Variants in DNAH1 observed in about 807,000 individuals in gnomAD.
The protein encoded by DNAH1 is dynein axonemal heavy chain 1, also known as axonemal beta dynein heavy chain 1.
Under a neutral mutation model 484.3 loss-of-function variants are expected in DNAH1, and 327 were observed. That is an observed-to-expected ratio of 0.68 (90% CI 0.62 to 0.74). The LOEUF is 0.74. DNAH1 is among the 30% of genes least tolerant of loss of function. The probability of loss-of-function intolerance (pLI) is 0.00; values close to 1 mark genes in which losing one functional copy is unlikely to be tolerated. For synonymous variants in DNAH1, 2,192 were observed against 2,191.9 expected (o/e 1.00, Z 0.00); for missense variants, 5,052 against 5,546.8 (o/e 0.91, Z 2.83).
At chr3:52,377,588 G>C (rs780065587) in intron 46 of DNAH1, among the ~76,000 whole-genome samples, 1 of 151,944 alleles carries the variant, frequency 6.6e-6, no homozygotes, top group Admixed American at 6.6e-5. Context: ...TCCTCAGTTC[G>C]CCCTGCCTCA....
At chr3:52,348,025 G>A in intron 12 of DNAH1, 51 bp downstream of exon 12, 1 of 1,552,774 alleles carries the variant, frequency 6.4e-7, no homozygotes, top group Non-Finnish European at 8.7e-7. Context: ...CCTGGCTGCT[G>A]ATGGCTCCCT....
intron 70 of DNAH1, among the ~76,000 whole-genome samples, chr3:52,396,106 T>G (rs1704612289): frequency 6.6e-6 from 1 of 152,122 alleles, no homozygotes; most frequent in Non-Finnish European, 1.5e-5. Flanking sequence ...GCTAATTTTT[T>G]GTATTTTTAG....
At chr3:52,313,039 G>A (rs1429592785), upstream of DNAH1, among the ~76,000 whole-genome samples, 5 of 151,902 alleles carry the variant, frequency 3.3e-5, no homozygotes, top group Non-Finnish European at 5.9e-5. Context: ...CGCCCACCTC[G>A]GCCTCCCAAA....
chr3:52,339,010 G>C (rs1701833314), intron 8 of DNAH1, among the ~76,000 whole-genome samples: 1 of 151,796 alleles, frequency 6.6e-6, no homozygotes, highest in South Asian at 2.1e-4. Flanking sequence ...CTCCAGCCTG[G>C]GTGACAGAGC....
Position 52,364,691 on chromosome 3 carries a change from G to A in DNAH1, c.5298G>A (p.Gly1766=), listed in dbSNP as rs149285738. 347 of 1,613,926 alleles carry A rather than the reference G, an allele frequency of 2.2e-4. 1 individual carries two copies. In the Middle Eastern group the frequency reaches 3.6e-3, roughly 17 times the overall value. ...RAVKTVISAA[G]NLKRENPSMN... ...TGAAAACTGTGATCTCGGCTGCTGG[G>A]AACCTCAAGCGAGAAAACCCCAGCA... Residue 1766 remains glycine (G), a synonymous_variant, in exon 33 of 78, where the codon GGG becomes GGA. Transcript: ENST00000420323. This position sits in a 1 kb window ranked among gnomAD's most constrained non-coding sequence, Gnocchi z 4.2.
intron 12 of DNAH1, among the ~76,000 whole-genome samples, chr3:52,348,611 T>C (rs1220309978): frequency 1.3e-5 from 2 of 152,226 alleles, no homozygotes; most frequent in Non-Finnish European, 2.9e-5. Flanking sequence ...GGTCCTGGGC[T>C]GAGTCAGGCC....
intron 1 of DNAH1, among the ~76,000 whole-genome samples, chr3:52,320,479 T>C (rs1421368207): frequency 6.6e-6 from 1 of 152,198 alleles, no homozygotes; most frequent in Admixed American, 6.5e-5. Context: ...CCCTGACAAC[T>C]CACCACTCAC....
chr3:52,383,923 C>T lies in DNAH1; in HGVS notation c.8214C>T (p.Thr2738=), dbSNP rs755328987. 1.2e-6 allele frequency: 2 copies of T among 1,613,498 alleles called. No individual in the cohort carries two copies. Among genetic ancestry groups the T allele is most frequent in the Non-Finnish European group, 8.5e-7 (1 of 1,179,646 alleles). The change falls in exon 52 of 78, where the codon ACC becomes ACT. Residue 2738 remains threonine (T), a synonymous_variant. Coordinates refer to ENST00000420323, the MANE Select transcript of DNAH1 (RefSeq NM_015512.5). ...TTCCCTCCCTGGTCAACTGCTGTAC[C>T]ATCGACTGGTTTAACGAGTGGCCGG... The part of the protein sequence containing the change: ...RQFPSLVNCC[T]IDWFNEWPAE...
Position 52,362,598 on chromosome 3 carries a change from C to T in DNAH1, c.5094+97C>T. On this transcript the variant is annotated intron_variant, in intron 31 of 77. Transcript: ENST00000420323. The surrounding 1 kb of genome is among the most constrained non-coding windows in gnomAD (Gnocchi z 5.1). The stretch of plus-strand genomic sequence containing the variant: ...ATGCAAGGACACAGTTGCTTGGACT[C>T]CAGGGACTGTGATTCCCTATGGTAG... The T allele has an allele frequency of 9.0e-7, 1 of 1,110,426 alleles. No homozygotes were observed. The highest frequency in any genetic ancestry group is 1.3e-6 in the Non-Finnish European group (1 of 763,404). 68.8% of individuals were successfully genotyped at this position (1,110,426 alleles called of 1,614,324 possible).
chr3:52,327,325 A>C (rs950452304), intron 5 of DNAH1, among the ~76,000 whole-genome samples: 7 of 152,138 alleles, frequency 4.6e-5, no homozygotes, highest in African/African-American at 1.7e-4. Context: ...GAATCCAGGG[A>C]GGAGAAAGAG....
upstream of DNAH1, among the ~76,000 whole-genome samples, chr3:52,313,445 G>A (rs1258232933): frequency 3.9e-5 from 6 of 152,166 alleles, no homozygotes; most frequent in Admixed American, 2.6e-4. Flanking sequence ...TTTTCCTTGT[G>A]GCTCCCTATA....
chr3:52,352,072 A>G lies in DNAH1; in HGVS notation c.2840A>G (p.Asn947Ser), dbSNP rs772325913. 11 of 1,584,682 alleles carry G rather than the reference A, an allele frequency of 6.9e-6. No individual in the cohort carries two copies. The South Asian group carries it at 1.3e-4, about 18-fold the overall frequency. The change falls in exon 17 of 78, where the codon AAC becomes AGC. Residue 947 changes from asparagine (N) to serine (S), a missense_variant. Physicochemically the swap from Asn to Ser is conservative, Grantham distance 46 (BLOSUM62 1). Around this residue, in one of 4 missense-constraint regions of DNAH1, gnomAD observed 1,263 missense variants for 1,218.8 expected, o/e 1.04. Coordinates refer to ENST00000420323, the MANE Select transcript of DNAH1 (RefSeq NM_015512.5). ...CGCAAAATCCAGATCATGGATCAGA[A>G]CAACTTCCAAGAGAAGCTGGAAGGG... ...KFRKIQIMDQ[N>S]NFQEKLEGLQ...
chr3:52,325,582 A>C (rs546884199), intron 3 of DNAH1, among the ~76,000 whole-genome samples: 1 of 152,260 alleles, frequency 6.6e-6, no homozygotes, highest in African/African-American at 2.4e-5. Flanking sequence ...CCCTTCCCCC[A>C]GGTATGGAAT....
chr3:52,386,123 A>G (rs761585105), intron 54 of DNAH1, 37 bp from the exon 55 acceptor site: 1 of 1,585,088 alleles, frequency 6.3e-7, no homozygotes, highest in Non-Finnish European at 8.6e-7. Context: ...AGAGAAGAGA[A>G]AAGGGGGGAG....
Position 52,400,470 on chromosome 3 carries a change from A to G in DNAH1, c.*24A>G, listed in dbSNP as rs765436254. 5.0e-6 allele frequency: 8 copies of G among 1,613,838 alleles called. No individual in the cohort carries two copies. Among genetic ancestry groups the G allele is most frequent in the East Asian group, 2.2e-5 (1 of 44,876 alleles). ...AGACTCAGACAGAAGGGCTGGGGCCATTAAAGCTGAATTTTCTAAGCAGTC... is the reference window on the plus strand; with the variant it reads ...AGACTCAGACAGAAGGGCTGGGGCCGTTAAAGCTGAATTTTCTAAGCAGTC... On this transcript the variant is annotated 3_prime_UTR_variant, in exon 78 of 78. Coordinates refer to ENST00000420323, the MANE Select transcript of DNAH1 (RefSeq NM_015512.5).
chr3:52,343,962 C>T (rs141433218), intron 8 of DNAH1, among the ~76,000 whole-genome samples: 6 of 152,254 alleles, frequency 3.9e-5, no homozygotes, highest in Admixed American at 2.0e-4. Flanking sequence ...TGCTGATTTC[C>T]GATCTCGGAG....
Position 52,366,469 on chromosome 3 carries a change from A to G in DNAH1, c.5531A>G (p.Lys1844Arg), listed in dbSNP as rs371251530. 1.1e-4 allele frequency: 181 copies of G among 1,597,744 alleles called. No homozygotes were observed. Among genetic ancestry groups the G allele is most frequent in the Middle Eastern group, 1.6e-4 (1 of 6,072 alleles). ...CCATGTCCCCCAGGCTTCCTGACAA[A>G]GTGCATCCAGCTCTACGAGACCACG... ...NLKDVEGFLT[K>R]CIQLYETTVV... is the part of the protein sequence containing the mutation. Residue 1844 changes from lysine (K) to arginine (R), a missense_variant, in exon 35 of 78, where the codon AAG becomes AGG. By Grantham distance (26) the Lys-to-Arg change is conservative. Transcript: ENST00000420323.
chr3:52,370,340 T>C, intron 39 of DNAH1, 111 bp downstream of exon 39: 2 of 1,541,356 alleles, frequency 1.3e-6, no homozygotes, highest in South Asian at 1.2e-5. Context: ...TGGTGCAACA[T>C]GGACAAGACC....
At position 52,331,261 on chromosome 3, in the gene DNAH1, CGAGAT is replaced by C. The variant is rs1168641793; in HGVS notation, c.992_996del (p.Glu331GlyfsTer12). 6.2e-7 allele frequency: 1 copy of C among 1,611,024 alleles called. No individual in the cohort carries two copies. Among genetic ancestry groups the C allele is most frequent in the Non-Finnish European group, 8.5e-7 (1 of 1,178,798 alleles). ...CAAGACAGACGAGAAAGGCCTGGTG[CGAGAT>C]GAGATGGGGAGGCCCATCCTGAATG... On this transcript the variant is annotated frameshift_variant, in exon 7 of 78. Coordinates refer to ENST00000420323, the MANE Select transcript of DNAH1 (RefSeq NM_015512.5). LOFTEE classifies it high-confidence loss of function.
Sources: allele counts gnomAD v4.1 joint callset (sites outside exome capture counted in the v4.1 genomes callset), GRCh38; gene constraint gnomAD v4.1.1; regional missense constraint gnomAD v4.1.1; non-coding constraint Gnocchi (gnomAD v3.1); transcripts MANE v1.5; gene names NCBI Gene and HGNC (gene_info 2026-07-23, HGNC 2026-07-21).